LRBA: variants seen among roughly 807,000 people sequenced by gnomAD.
LRBA encodes the protein lipopolysaccharide-responsive and beige-like anchor protein.
In LRBA, 176 loss-of-function variants were observed where a neutral mutation model predicts 330.0. The observed-to-expected ratio is 0.53, with a 90% confidence interval of 0.47 to 0.60. The LOEUF (loss-of-function observed/expected upper bound fraction) is 0.60. Ranked by LOEUF, LRBA falls within the 20% of genes least tolerant of loss-of-function variation. The pLI, the probability that LRBA is intolerant of heterozygous loss-of-function variation, is 0.00. For synonymous variants in LRBA, 1,230 were observed against 1,193.0 expected (o/e 1.03, Z -0.64); for missense variants, 3,259 against 3,444.8 (o/e 0.95, Z 1.35).
intron 40 of LRBA, among the ~76,000 whole-genome samples, chr4:150,522,081 A>G (rs1230734175): frequency 6.6e-6 from 1 of 152,184 alleles, no homozygotes; most frequent in East Asian, 1.9e-4. Flanking sequence ...TTATTATCCT[A>G]TAATTCTGGA....
At chr4:150,564,174 G>T (rs570652735) in intron 40 of LRBA, among the ~76,000 whole-genome samples, 10 of 152,198 alleles carry the variant, frequency 6.6e-5, no homozygotes, top group African/African-American at 2.4e-4. Flanking sequence ...CATGGTACTG[G>T]TACCAAAACA....
rs934761071 is a variant in LRBA, at chr4:150,559,544, A to T, written c.6330+28504T>A. Among the ~76,000 whole-genome samples the T allele has an allele frequency of 3.3e-4, 42 of 128,748 alleles. 1 individual carries two copies. In the Admixed American group the frequency reaches 3.8e-3, roughly 12 times the overall value. The allele number at this position is 128,748 out of a possible 152,430, so 84.5% of individuals were successfully genotyped here. Reference sequence around the variant, plus strand: ...AAAAAATATATATACATTATATATAAGATAAATATATATATTTATATAAAT... The same window carrying T: ...AAAAAATATATATACATTATATATATGATAAATATATATATTTATATAAAT... On this transcript the variant is annotated intron_variant, in intron 40 of 56. Coordinates refer to ENST00000651943, the MANE Select transcript of LRBA (RefSeq NM_001364905.1).
chr4:150,566,518 G>A (rs769158531), intron 40 of LRBA, among the ~76,000 whole-genome samples: 1 of 151,972 alleles, frequency 6.6e-6, no homozygotes, highest in Non-Finnish European at 1.5e-5. Flanking sequence ...CTTGTTTTAG[G>A]ACTGTAGCAG....
intron 46 of LRBA, among the ~76,000 whole-genome samples, chr4:150,419,672 A>G (rs1315028499): frequency 8.7e-6 from 1 of 115,228 alleles, no homozygotes; most frequent in African/African-American, 3.4e-5. Context: ...AAGTCTTACT[A>G]TGTCACCCAG....
intron 31 of LRBA, among the ~76,000 whole-genome samples, chr4:150,809,778 G>A (rs1433287570): frequency 6.6e-6 from 1 of 152,062 alleles, no homozygotes; most frequent in African/African-American, 2.4e-5. Flanking sequence ...AGCCTAGAGG[G>A]CAGAGGTTGC....
At chr4:150,271,479 C>T (rs1746091780) in intron 56 of LRBA, among the ~76,000 whole-genome samples, 1 of 145,072 alleles carries the variant, frequency 6.9e-6, no homozygotes, top group Non-Finnish European at 1.5e-5. Flanking sequence ...GAAATTCTTG[C>T]TGCCAGCACA....
chr4:150,318,189 A>G (rs181495029), intron 50 of LRBA, among the ~76,000 whole-genome samples: 1 of 152,176 alleles, frequency 6.6e-6, no homozygotes, highest in Non-Finnish European at 1.5e-5. Context: ...ACCTGGATTC[A>G]GCACTGTTCT....
At chr4:150,885,528 C>T (rs894667622) in intron 17 of LRBA, among the ~76,000 whole-genome samples, 1 of 151,742 alleles carries the variant, frequency 6.6e-6, no homozygotes. Flanking sequence ...GGCTGAGGCA[C>T]GAGAATCACC....
rs1291701789 is a variant in LRBA, at chr4:150,420,419, GTATA to G, written c.7042-4833_7042-4830del. Among the ~76,000 whole-genome samples the G allele has an allele frequency of 4.5e-3, 448 of 99,314 alleles. 10 individuals are homozygous for G. Among genetic ancestry groups the G allele is most frequent in the Non-Finnish European group, 6.3e-3 (320 of 50,662 alleles). The allele number at this position is 99,314 out of a possible 152,430, so 65.2% of individuals were successfully genotyped here. A position where few individuals can be genotyped will look rare whatever the true frequency, so the allele number is the denominator to read the frequency against. On this transcript the variant is annotated intron_variant, in intron 46 of 56. Transcript: ENST00000651943. The stretch of plus-strand genomic sequence containing the variant: ...TAAAGTATATATAATACACATTATA[GTATA>G]TATAAAGTATATATAATACATATAT...
chr4:150,712,396 A>G (rs1209766482), intron 36 of LRBA, among the ~76,000 whole-genome samples: 1 of 152,190 alleles, frequency 6.6e-6, no homozygotes, highest in African/African-American at 2.4e-5. Context: ...GATAGTCCAG[A>G]TACATTAACA....
intron 48 of LRBA, among the ~76,000 whole-genome samples, chr4:150,329,398 A>G (rs17504145): frequency 0.61 from 92,941 of 152,014 alleles, 28,947 homozygotes; most frequent in Non-Finnish European, 0.68. Flanking sequence ...TTTAAAATTC[A>G]TTTGCCATTT....
At chr4:150,493,635 A>G (rs1344083229) in intron 40 of LRBA, among the ~76,000 whole-genome samples, 1 of 152,132 alleles carries the variant, frequency 6.6e-6, no homozygotes, top group African/African-American at 2.4e-5. Flanking sequence ...TGCACTCTCC[A>G]TTTTGGTACC....
At chr4:150,731,569 C>T (rs1398991471) in intron 36 of LRBA, among the ~76,000 whole-genome samples, 1 of 152,148 alleles carries the variant, frequency 6.6e-6, no homozygotes. Flanking sequence ...CATGTTCTCA[C>T]TTATTTGTGG....
At chr4:150,528,707 G>C (rs1319800654) in intron 40 of LRBA, among the ~76,000 whole-genome samples, 1 of 151,962 alleles carries the variant, frequency 6.6e-6, no homozygotes, top group Non-Finnish European at 1.5e-5. Flanking sequence ...CAGCATCATC[G>C]ATTTTTTAGG....
chr4:150,358,277 T>C (rs1038750478), intron 47 of LRBA, among the ~76,000 whole-genome samples: 2 of 152,186 alleles, frequency 1.3e-5, no homozygotes, highest in Non-Finnish European at 2.9e-5. Flanking sequence ...GCTAATATGC[T>C]TTGATAACAG....
Position 150,852,064 on chromosome 4 carries a change from T to C in LRBA, c.3646A>G (p.Thr1216Ala), listed in dbSNP as rs760398848. The C allele has an allele frequency of 6.2e-6, 10 of 1,614,168 alleles. No individual in the cohort carries two copies. The East Asian group carries it at 1.8e-4, about 29-fold the overall frequency. ...GQMLEEGKKA[T>A]NLTRETKLIN... ...AATTTGGTTTCTCTAGTGAGGTTAG[T>C]TGCTTTCTTCCCTTCCTCCAGCATC... Residue 1216 changes from threonine to alanine, a missense_variant, in exon 23 of 57, where the codon ACT becomes GCT. Thr to Ala is a moderately conservative substitution (Grantham distance 58). Coordinates refer to ENST00000651943, the MANE Select transcript of LRBA (RefSeq NM_001364905.1).
At chr4:150,533,267 A>G (rs574505494) in intron 40 of LRBA, among the ~76,000 whole-genome samples, 1 of 152,184 alleles carries the variant, frequency 6.6e-6, no homozygotes, top group Admixed American at 6.5e-5. Context: ...CACAGCCTCA[A>G]CTTCCTGGGC....
intron 35 of LRBA, among the ~76,000 whole-genome samples, chr4:150,761,354 TCACCTTTCTCACCAC>T (rs1191002000): frequency 6.6e-6 from 1 of 152,068 alleles, no homozygotes; most frequent in Non-Finnish European, 1.5e-5. Context: ...ATTTCCTCTA[TCACCTTTCTCACCAC>T]ATCACATTGC....
rs547387994 is a variant in LRBA, at chr4:150,923,012, C to A, written c.550-1719G>T. On this transcript the variant is annotated intron_variant, in intron 4 of 56. Coordinates refer to ENST00000651943, the MANE Select transcript of LRBA (RefSeq NM_001364905.1). ...AAACAACTATACAGATGCTCCTCAA[C>A]TTACGATAGGGTTACATCCTGATAA... Among the ~76,000 whole-genome samples, 3 of 152,224 alleles carry A rather than the reference C, an allele frequency of 2.0e-5. No homozygotes were observed. The South Asian group carries it at 6.2e-4, about 32-fold the overall frequency.
Sources: allele counts gnomAD v4.1 joint callset (sites outside exome capture counted in the v4.1 genomes callset), GRCh38; gene constraint gnomAD v4.1.1; transcripts MANE v1.5; gene names NCBI Gene and HGNC (gene_info 2026-07-23, HGNC 2026-07-21).